The following PDE1C variants were observed in gnomAD, a reference collection of about 807,000 sequenced individuals.
PDE1C encodes the protein phosphodiesterase 1C, also known as dual specificity calcium/calmodulin-dependent 3',5'-cyclic nucleotide phosphodiesterase 1C.
A neutral mutation model predicts 93.1 loss-of-function variants in PDE1C; 62 were observed. That is an observed-to-expected ratio of 0.67 (90% CI 0.54 to 0.82). The LOEUF is 0.82. Ranked by LOEUF, PDE1C falls within the 40% of genes least tolerant of loss-of-function variation. The pLI is 0.00. For missense variants in PDE1C, 742 were observed against 884.6 expected, an observed-to-expected ratio of 0.84 and a Z score of 2.04; for synonymous variants, 325 against 310.1, an observed-to-expected ratio of 1.05 and a Z score of -0.50.
intron 1 of PDE1C, among the ~76,000 whole-genome samples, chr7:32,228,035 C>T (rs1314769498): frequency 6.6e-6 from 1 of 152,206 alleles, no homozygotes; most frequent in Non-Finnish European, 1.5e-5. Context: ...GACTCCAAGC[C>T]AAAATCACCC....
intron 1 of PDE1C, among the ~76,000 whole-genome samples, chr7:32,306,129 C>A (rs564007433): frequency 6.6e-6 from 1 of 152,300 alleles, no homozygotes; most frequent in Non-Finnish European, 1.5e-5. Flanking sequence ...TAAGACGTGC[C>A]TTTCACCTTC....
chr7:31,943,492 G>A (rs899605586), intron 2 of PDE1C, among the ~76,000 whole-genome samples: 1 of 152,018 alleles, frequency 6.6e-6, no homozygotes, highest in South Asian at 2.1e-4. Context: ...GATTTATTTT[G>A]TATTGCCCAT....
chr7:31,818,070 G>A (rs117383975), intron 14 of PDE1C, among the ~76,000 whole-genome samples: 4 of 152,084 alleles, frequency 2.6e-5, no homozygotes, highest in Admixed American at 2.0e-4. Flanking sequence ...TGTTTTCCAG[G>A]TGATTTAAAC....
At chr7:32,354,347 C>G (rs1562687437) in intron 1 of PDE1C, among the ~76,000 whole-genome samples, 1 of 151,996 alleles carries the variant, frequency 6.6e-6, no homozygotes. Context: ...AAAGTTTGGG[C>G]CAGGTGCAGT....
chr7:32,421,523 T>C (rs1785432057), intron 1 of PDE1C, among the ~76,000 whole-genome samples: 1 of 152,222 alleles, frequency 6.6e-6, no homozygotes, highest in African/African-American at 2.4e-5. Flanking sequence ...AATTTCCATT[T>C]TCCAGATCAG....
At chr7:32,311,431 G>A (rs1049798728) in intron 1 of PDE1C, among the ~76,000 whole-genome samples, 1 of 152,172 alleles carries the variant, frequency 6.6e-6, no homozygotes, top group African/African-American at 2.4e-5. Context: ...TGATACCAAA[G>A]CCAGGTAGAG....
chr7:32,230,817 C>G (rs1807643183), intron 1 of PDE1C, among the ~76,000 whole-genome samples: 1 of 152,102 alleles, frequency 6.6e-6, no homozygotes, highest in East Asian at 1.9e-4. Context: ...GACTACTGAG[C>G]TCCCTGAAAA....
At chr7:32,427,705 T>A (rs1318448044) in intron 1 of PDE1C, among the ~76,000 whole-genome samples, 1 of 152,202 alleles carries the variant, frequency 6.6e-6, no homozygotes, top group Non-Finnish European at 1.5e-5. Flanking sequence ...TAAAAGAAGT[T>A]ATGGACACGA....
chr7:31,637,084 G>A, the PDE1C span, among the ~76,000 whole-genome samples: 2 of 152,060 alleles, frequency 1.3e-5, no homozygotes, highest in South Asian at 4.2e-4. Context: ...TTTTATGGCT[G>A]CATAGAATTC....
intron 2 of PDE1C, among the ~76,000 whole-genome samples, chr7:31,997,588 G>A (rs1298910666): frequency 6.6e-6 from 1 of 152,204 alleles, no homozygotes; most frequent in Non-Finnish European, 1.5e-5. Flanking sequence ...AACACAATGA[G>A]GGAGTTGCTG....
chr7:31,849,737 C>T (rs1272457591), intron 8 of PDE1C, among the ~76,000 whole-genome samples: 2 of 152,124 alleles, frequency 1.3e-5, no homozygotes, highest in African/African-American at 2.4e-5. Flanking sequence ...CACCTTTCCC[C>T]ATACCCTAGC....
At chr7:31,635,871 C>G in the PDE1C span, among the ~76,000 whole-genome samples, 1 of 152,116 alleles carries the variant, frequency 6.6e-6, no homozygotes. Context: ...AGCAAACCAC[C>G]ATGGCACAAG....
chr7:32,057,573 C>T (rs558520592), intron 1 of PDE1C, among the ~76,000 whole-genome samples: 19 of 152,208 alleles, frequency 1.2e-4, no homozygotes, highest in Non-Finnish European at 1.9e-4. Flanking sequence ...AAGCTCTCCA[C>T]GGCAGTGTCA....
rs552324455 is a variant in PDE1C at position 31,882,548 on chromosome 7, T to A, written c.129-1688A>T. On this transcript the variant is annotated intron_variant, in intron 2 of 17. Transcript: ENST00000396191. ...CAGCTATCCCCTAGGCTGTTTGGAC[T>A]CCCAAACGAAAAAATGAGAGTAAAA... Among the ~76,000 whole-genome samples, 395 of 152,138 alleles carry A rather than the reference T, an allele frequency of 2.6e-3. 1 individual carries two copies. Among genetic ancestry groups the A allele is most frequent in the Admixed American group, 4.4e-3 (67 of 15,286 alleles).
rs969130481 is a variant in PDE1C at position 31,791,322 on chromosome 7, T to A, written c.1892-15590A>T. On this transcript the variant is annotated intron_variant, in intron 16 of 17. Transcript: ENST00000396191. ...ACCCTCCATTAACACCTTCACCCAT[T>A]TGAGAGAAATAACAGACAAAAGTGA... 2.0e-5 allele frequency among the ~76,000 whole-genome samples: 3 copies of A among 152,054 alleles called. No homozygotes were observed. The East Asian group carries it at 5.8e-4, about 29-fold the overall frequency.
intron 7 of PDE1C, among the ~76,000 whole-genome samples, chr7:31,857,907 A>C (rs1295260859): frequency 6.6e-6 from 1 of 152,194 alleles, no homozygotes; most frequent in Non-Finnish European, 1.5e-5. Flanking sequence ...TTCAAAGGGC[A>C]AAAAAAGAGG....
At chr7:32,086,053 G>C (rs1165649690) in intron 3 of PDE1C, among the ~76,000 whole-genome samples, 2 of 151,574 alleles carry the variant, frequency 1.3e-5, no homozygotes, top group African/African-American at 4.9e-5. Context: ...AGGAAAAGAG[G>C]AAGTCAAATT....
At chr7:32,336,173 A>G (rs1783620371) in intron 1 of PDE1C, among the ~76,000 whole-genome samples, 1 of 152,198 alleles carries the variant, frequency 6.6e-6, no homozygotes, top group African/African-American at 2.4e-5. Flanking sequence ...TAATTAATGA[A>G]GTTGTATAGG....
chr7:32,175,766 A>G (rs1802946001), intron 2 of PDE1C, among the ~76,000 whole-genome samples: 1 of 152,218 alleles, frequency 6.6e-6, no homozygotes, highest in Admixed American at 6.5e-5. Flanking sequence ...CGTCCTATCT[A>G]TCTCACCCAT....
Sources: allele counts gnomAD v4.1 joint callset (sites outside exome capture counted in the v4.1 genomes callset), GRCh38; gene constraint gnomAD v4.1.1; transcripts MANE v1.5; gene names NCBI Gene and HGNC (gene_info 2026-07-23, HGNC 2026-07-21).